The following GRAMD1C variants were observed in gnomAD, a reference collection of about 807,000 sequenced individuals.
GRAMD1C encodes protein Aster-C.
Under a neutral mutation model 97.8 loss-of-function variants are expected in GRAMD1C, and 89 were observed. That is an observed-to-expected ratio of 0.91 (90% CI 0.77 to 1.09). GRAMD1C has a LOEUF of 1.09. GRAMD1C is among the 50% of genes least tolerant of loss of function. The pLI, the probability that GRAMD1C is intolerant of heterozygous loss-of-function variation, is 0.00. For missense variants in GRAMD1C, 740 were observed against 766.4 expected, an observed-to-expected ratio of 0.97 and a Z score of 0.41; for synonymous variants, 256 against 267.0, an observed-to-expected ratio of 0.96 and a Z score of 0.40.
intron 2 of GRAMD1C, among the ~76,000 whole-genome samples, chr3:113,852,169 G>A (rs1403808419): frequency 6.6e-6 from 1 of 151,998 alleles, no homozygotes; most frequent in African/African-American, 2.4e-5. Context: ...ATTAATTAAT[G>A]TTGTACTATT....
intron 7 of GRAMD1C, among the ~76,000 whole-genome samples, chr3:113,903,544 C>T (rs1161436478): frequency 1.3e-5 from 2 of 152,120 alleles, no homozygotes; most frequent in Non-Finnish European, 2.9e-5. Context: ...TTTCTTTTTG[C>T]TCCTTGAGAA....
chr3:113,834,936 TC>T (rs1264252314), upstream of GRAMD1C, among the ~76,000 whole-genome samples: 1 of 31,040 alleles, frequency 3.2e-5, no homozygotes, highest in African/African-American at 9.1e-5. Flanking sequence ...TGAAACTCCG[TC>T]TCAAAAAAAA....
chr3:113,934,109 C>T (rs940881418), intron 12 of GRAMD1C, among the ~76,000 whole-genome samples: 10 of 152,094 alleles, frequency 6.6e-5, no homozygotes, highest in Non-Finnish European at 1.3e-4. Context: ...AGTGTATGAC[C>T]ACTAGAGATT....
intron 8 of GRAMD1C, among the ~76,000 whole-genome samples, chr3:113,907,024 G>C (rs973017185): frequency 1.3e-5 from 2 of 152,120 alleles, no homozygotes; most frequent in Non-Finnish European, 2.9e-5. Flanking sequence ...AATTTGTTAA[G>C]TACACTCTAT....
At chr3:113,929,096 A>G (rs1289389653) in intron 10 of GRAMD1C, among the ~76,000 whole-genome samples, 1 of 152,228 alleles carries the variant, frequency 6.6e-6, no homozygotes, top group Non-Finnish European at 1.5e-5. Flanking sequence ...AGCAATGTAC[A>G]AAGTTTCCAA....
chr3:113,877,610 A>G (rs1268109088), intron 5 of GRAMD1C, among the ~76,000 whole-genome samples: 1 of 152,190 alleles, frequency 6.6e-6, no homozygotes, highest in African/African-American at 2.4e-5. Flanking sequence ...TAATTTTGGA[A>G]GAAATACATG....
chr3:113,907,902 T>G (rs1936426874), intron 8 of GRAMD1C, among the ~76,000 whole-genome samples: 1 of 152,232 alleles, frequency 6.6e-6, no homozygotes, highest in Non-Finnish European at 1.5e-5. Context: ...GGCCCCTGGT[T>G]TAGCTAAATA....
intron 10 of GRAMD1C, among the ~76,000 whole-genome samples, chr3:113,923,991 C>T (rs1937149532): frequency 6.6e-6 from 1 of 151,532 alleles, no homozygotes; most frequent in South Asian, 2.1e-4. Flanking sequence ...TTAATTTCTT[C>T]CTGGCTCAAT....
intron 2 of GRAMD1C, among the ~76,000 whole-genome samples, chr3:113,857,577 C>T (rs924282327): frequency 6.6e-5 from 10 of 151,988 alleles, no homozygotes; most frequent in Admixed American, 1.3e-4. Flanking sequence ...GGGGTTTCAC[C>T]GTGTTAGCCA....
Position 113,920,338 on chromosome 3 carries a change from G to A in GRAMD1C, c.1090+4500G>A, listed in dbSNP as rs1936994410. Reference sequence around the variant, plus strand: ...TATATTAGTCTTCCTTTATCTTACAGTGCTGCATTTATTTTACGGTATAAT... The same window carrying A: ...TATATTAGTCTTCCTTTATCTTACAATGCTGCATTTATTTTACGGTATAAT... On this transcript the variant is annotated intron_variant, in intron 10 of 17. Transcript: ENST00000358160. 3 of 355,082 alleles carry A rather than the reference G, an allele frequency of 8.4e-6. No individual in the cohort carries two copies. In the South Asian group the frequency reaches 1.4e-4, roughly 17 times the overall value. 22.0% of individuals were successfully genotyped at this position (355,082 alleles called of 1,614,324 possible). A position where few individuals can be genotyped will look rare whatever the true frequency, so the allele number is the denominator to read the frequency against.
rs1267927147 is a variant in GRAMD1C at position 113,844,622 on chromosome 3, T to C, written c.147T>C (p.His49=). 6.2e-7 allele frequency: 1 copy of C among 1,601,396 alleles called. No individual in the cohort carries two copies. The highest frequency in any genetic ancestry group is 8.5e-7 in the Non-Finnish European group (1 of 1,173,816). ...TTAAAAAACAGGGGCCAAATTTACATAATTGGAGTGGTGACTGGAGCTTTT... is the reference window on the plus strand; with the variant it reads ...TTAAAAAACAGGGGCCAAATTTACACAATTGGAGTGGTGACTGGAGCTTTT... ...VVVKKQGPNL[H]NWSGDWSFWI... The change falls in exon 2 of 18, where the codon CAT becomes CAC. Residue 49 remains histidine, a synonymous_variant. Coordinates refer to ENST00000358160, the MANE Select transcript of GRAMD1C (RefSeq NM_017577.5).
intron 7 of GRAMD1C, among the ~76,000 whole-genome samples, chr3:113,902,750 G>A (rs1034940503): frequency 6.6e-6 from 1 of 151,770 alleles, no homozygotes; most frequent in Admixed American, 6.6e-5. Flanking sequence ...GGGTTCAAGC[G>A]ATTCTCCTGC....
intron 2 of GRAMD1C, among the ~76,000 whole-genome samples, chr3:113,859,947 C>A (rs1934298572): frequency 6.6e-6 from 1 of 152,216 alleles, no homozygotes; most frequent in African/African-American, 2.4e-5. Context: ...TAATTCTATA[C>A]ACTGGCAGTG....
At position 113,904,166 on chromosome 3, in the gene GRAMD1C, A is replaced by T. The variant is rs936946466; in HGVS notation, c.683A>T (p.Asp228Val). Residue 228 changes from aspartate to valine, a missense_variant, in exon 8 of 18, where the codon GAC (aspartate) becomes GTC (valine). Asp to Val is a radical substitution (Grantham distance 152). Coordinates refer to ENST00000358160, the MANE Select transcript of GRAMD1C (RefSeq NM_017577.5). ...PRSPGRSSLD[D>V]SGERDEKLSK... ...AGTCCAGGAAGAAGCAGCTTGGATG[A>T]CTCTGGGGAGAGAGATGAAAAATTA... 6.2e-7 allele frequency: 1 copy of T among 1,609,896 alleles called. No individual in the cohort carries two copies. The highest frequency in any genetic ancestry group is 1.7e-5 in the Admixed American group (1 of 60,012).
Position 113,887,085 on chromosome 3 carries a change from G to GTTTTTTTTTT in GRAMD1C, c.540+4254_540+4263dup, listed in dbSNP as rs531763397. ...ATGAGCCACTGCGCCTGGCCTTTTT[G>GTTTTTTTTTT]TTTTTTTTTTGTTTTTTTTTTTTTT... On this transcript the variant is annotated intron_variant, in intron 6 of 17. Coordinates refer to ENST00000358160, the MANE Select transcript of GRAMD1C (RefSeq NM_017577.5). 2.8e-4 allele frequency among the ~76,000 whole-genome samples: 20 copies of GTTTTTTTTTT among 71,438 alleles called. 2 individuals are homozygous for GTTTTTTTTTT. The highest frequency in any genetic ancestry group is 3.8e-4 in the Non-Finnish European group (13 of 34,602). 46.9% of individuals were successfully genotyped at this position (71,438 alleles called of 152,430 possible).
intron 1 of GRAMD1C, 28 bp from the exon 2 acceptor site, chr3:113,844,475 A>G (rs577453072): frequency 2.0e-6 from 3 of 1,526,118 alleles, no homozygotes. Flanking sequence ...TCAATAAATA[A>G]TTGACTTAGT....
intron 11 of GRAMD1C, among the ~76,000 whole-genome samples, chr3:113,932,159 C>A (rs1937457007): frequency 6.6e-6 from 1 of 152,194 alleles, no homozygotes; most frequent in Non-Finnish European, 1.5e-5. Context: ...TGCTGAGTAT[C>A]TGATTTGCAA....
At chr3:113,845,802 AG>A (rs757769829) in intron 2 of GRAMD1C, among the ~76,000 whole-genome samples, 4 of 152,244 alleles carry the variant, frequency 2.6e-5, no homozygotes, top group Non-Finnish European at 4.4e-5. Flanking sequence ...GGCTAAAAAA[AG>A]ATTCATTAAC....
chr3:113,848,961 TA>T (rs1305980449), intron 2 of GRAMD1C, among the ~76,000 whole-genome samples: 37 of 138,518 alleles, frequency 2.7e-4, no homozygotes, highest in Non-Finnish European at 5.3e-4. Context: ...ATTAACTTAG[TA>T]AAAAAATATA....
Sources: gnomAD v4.1 joint callset for allele counts (sites outside exome capture counted in the v4.1 genomes callset) on GRCh38, gnomAD v4.1.1 for gene constraint, MANE v1.5 for transcripts, NCBI Gene and HGNC (gene_info 2026-07-23, HGNC 2026-07-21) for gene names.